The following CPQ variants were observed in gnomAD, a reference collection of about 807,000 sequenced individuals.
CPQ encodes the protein carboxypeptidase Q.
In CPQ, 37 loss-of-function variants were observed where a neutral mutation model predicts 45.7. The observed-to-expected ratio is 0.81, with a 90% CI of 0.62 to 1.07. The LOEUF (loss-of-function observed/expected upper bound fraction) is 1.07. Among genes scored for constraint, CPQ ranks in the 50% least tolerant of loss-of-function variants. The probability of loss-of-function intolerance (pLI) is 0.00; values close to 1 mark genes in which losing one functional copy is unlikely to be tolerated. For synonymous variants in CPQ, 186 were observed against 205.8 expected, an observed-to-expected ratio of 0.90 and a Z score of 0.82; for missense variants, 537 against 572.9, an observed-to-expected ratio of 0.94 and a Z score of 0.64.
intron 4 of CPQ, among the ~76,000 whole-genome samples, chr8:96,911,254 CA>C (rs1305284136): frequency 6.6e-6 from 1 of 152,130 alleles, no homozygotes; most frequent in Non-Finnish European, 1.5e-5. Flanking sequence ...GCCCTTGCTC[CA>C]AAATGCAAAT....
intron 7 of CPQ, among the ~76,000 whole-genome samples, chr8:97,118,537 A>G (rs549982694): frequency 6.6e-6 from 1 of 152,314 alleles, no homozygotes; most frequent in East Asian, 1.9e-4. Context: ...AGCTTCCTCT[A>G]TATAAAATGG....
intron 6 of CPQ, among the ~76,000 whole-genome samples, chr8:97,040,678 A>T (rs1810104231): frequency 6.6e-6 from 1 of 152,144 alleles, no homozygotes; most frequent in African/African-American, 2.4e-5. Flanking sequence ...TAAGGAAAGG[A>T]TCCAGTTTCA....
intron 1 of CPQ, among the ~76,000 whole-genome samples, chr8:96,662,241 T>C (rs1190472785): frequency 6.6e-6 from 1 of 152,232 alleles, no homozygotes; most frequent in Non-Finnish European, 1.5e-5. Flanking sequence ...ATTATTTTTT[T>C]CTTGAATTAA....
At chr8:96,684,891 A>C (rs986132475) in intron 1 of CPQ, among the ~76,000 whole-genome samples, 1 of 151,834 alleles carries the variant, frequency 6.6e-6, no homozygotes, top group Non-Finnish European at 1.5e-5. Context: ...CGAGGTCTGG[A>C]GTTCGAGACC....
chr8:97,104,663 C>T (rs958122113), intron 7 of CPQ, among the ~76,000 whole-genome samples: 6 of 152,142 alleles, frequency 3.9e-5, no homozygotes, highest in African/African-American at 1.4e-4. Context: ...GCTCCTCTGA[C>T]CCCCATCTTG....
At chr8:96,929,164 T>A (rs1205261954) in intron 4 of CPQ, among the ~76,000 whole-genome samples, 1 of 152,272 alleles carries the variant, frequency 6.6e-6, no homozygotes, top group South Asian at 2.1e-4. Context: ...CCAGGTGCTT[T>A]ATTTCTGTTT....
intron 1 of CPQ, among the ~76,000 whole-genome samples, chr8:96,662,430 G>A (rs1462069228): frequency 6.6e-6 from 1 of 152,192 alleles, no homozygotes; most frequent in Non-Finnish European, 1.5e-5. Flanking sequence ...TCAGGGCAGA[G>A]TATTAATGGT....
intron 6 of CPQ, among the ~76,000 whole-genome samples, chr8:97,034,322 A>G (rs1347387616): frequency 6.6e-6 from 1 of 152,222 alleles, no homozygotes; most frequent in African/African-American, 2.4e-5. Context: ...CATGCCTCTA[A>G]CAGTTCATAG....
chr8:97,119,660 C>T (rs1285987058), intron 7 of CPQ, among the ~76,000 whole-genome samples: 2 of 152,248 alleles, frequency 1.3e-5, no homozygotes, highest in African/African-American at 2.4e-5. Flanking sequence ...CCCTCATGTA[C>T]CTCAGTGGGG....
intron 1 of CPQ, among the ~76,000 whole-genome samples, chr8:96,778,868 C>T (rs950983076): frequency 6.6e-6 from 1 of 152,000 alleles, no homozygotes; most frequent in Non-Finnish European, 1.5e-5. Context: ...AGATCGAGAT[C>T]AGCCTGGCCA....
intron 2 of CPQ, among the ~76,000 whole-genome samples, chr8:96,785,906 T>A (rs1810762206): frequency 6.6e-6 from 1 of 152,198 alleles, no homozygotes; most frequent in Non-Finnish European, 1.5e-5. Flanking sequence ...TCAGTTAGCC[T>A]TGAATATATC....
intron 5 of CPQ, among the ~76,000 whole-genome samples, chr8:96,993,048 C>A (rs923885737): frequency 1.3e-5 from 2 of 152,164 alleles, no homozygotes; most frequent in African/African-American, 4.8e-5. Context: ...TGGAAATTAA[C>A]CCATCTTCAC....
chr8:96,708,483 A>G (rs968609589), intron 1 of CPQ, among the ~76,000 whole-genome samples: 6 of 151,716 alleles, frequency 4.0e-5, no homozygotes, highest in African/African-American at 1.5e-4. Context: ...GCCTATACCT[A>G]TATTTCATCC....
chr8:97,030,529 C>G (rs1213969836), intron 6 of CPQ, among the ~76,000 whole-genome samples: 1 of 152,118 alleles, frequency 6.6e-6, no homozygotes, highest in Non-Finnish European at 1.5e-5. Context: ...GTTCTTTTGG[C>G]CTCAGGTGAT....
chr8:96,682,060 G>A (rs529537198), intron 1 of CPQ, among the ~76,000 whole-genome samples: 3 of 152,132 alleles, frequency 2.0e-5, no homozygotes, highest in Non-Finnish European at 4.4e-5. Context: ...ATGAAACTTT[G>A]GACTATGGAA....
intron 1 of CPQ, among the ~76,000 whole-genome samples, chr8:96,685,278 GT>G (rs1441968846): frequency 6.6e-6 from 1 of 151,880 alleles, no homozygotes; most frequent in East Asian, 1.9e-4. Context: ...TGGGTTCTGA[GT>G]TTTTTGACAG....
chr8:97,090,404 A>G (rs1395484229), intron 7 of CPQ, among the ~76,000 whole-genome samples: 2 of 152,206 alleles, frequency 1.3e-5, no homozygotes, highest in Non-Finnish European at 2.9e-5. Context: ...AAAACCTAGC[A>G]TTTTTTAATG....
At chr8:96,912,733 A>G (rs1166808782) in intron 4 of CPQ, among the ~76,000 whole-genome samples, 1 of 152,176 alleles carries the variant, frequency 6.6e-6, no homozygotes, top group Admixed American at 6.5e-5. Flanking sequence ...AAGAGAAACA[A>G]CCTGGTTATA....
chr8:96,870,644 G>C (rs1221090078), intron 3 of CPQ, among the ~76,000 whole-genome samples: 2 of 152,012 alleles, frequency 1.3e-5, no homozygotes, highest in African/African-American at 4.8e-5. Context: ...GGGACAGTAA[G>C]AGTCCTTCAC....
Sources: allele counts gnomAD v4.1 joint callset (sites outside exome capture counted in the v4.1 genomes callset), GRCh38; gene constraint gnomAD v4.1.1; transcripts MANE v1.5; gene names NCBI Gene and HGNC (gene_info 2026-07-23, HGNC 2026-07-21).